The following HMCN1 variants were observed in gnomAD, a reference collection of about 807,000 sequenced individuals.
HMCN1 encodes hemicentin 1, also known as hemicentin-1.
A neutral mutation model predicts 625.9 loss-of-function variants in HMCN1; 321 were observed. The ratio of observed to expected loss-of-function variants is 0.51; its 90% confidence interval spans 0.47 to 0.56. The LOEUF (loss-of-function observed/expected upper bound fraction) is 0.56, where lower values mean the gene tolerates loss of function less well. Among genes scored for constraint, HMCN1 ranks in the 20% least tolerant of loss-of-function variants. The pLI, the probability that HMCN1 is intolerant of heterozygous loss-of-function variation, is 0.00. For synonymous variants in HMCN1, 2,425 were observed against 2,417.6 expected (o/e 1.00, Z -0.09); for missense variants, 6,588 against 6,887.3 (o/e 0.96, Z 1.54).
intron 1 of HMCN1, among the ~76,000 whole-genome samples, chr1:185,760,079 A>G (rs796954839): frequency 2.6e-5 from 4 of 152,168 alleles, no homozygotes; most frequent in East Asian, 3.8e-4. Flanking sequence ...GATATTGCCA[A>G]TTTCTTCACT....
intron 5 of HMCN1, among the ~76,000 whole-genome samples, chr1:185,910,165 G>A (rs1666333638): frequency 6.6e-6 from 1 of 151,948 alleles, no homozygotes; most frequent in African/African-American, 2.4e-5. Flanking sequence ...TTGCAAAATA[G>A]TTATATTTCC....
intron 34 of HMCN1, among the ~76,000 whole-genome samples, chr1:186,018,713 G>A (rs753738562): frequency 2.9e-4 from 44 of 152,018 alleles, no homozygotes; most frequent in South Asian, 8.3e-4. Flanking sequence ...AAGTAAAGGG[G>A]TTATGTAAGC....
At chr1:185,935,790 T>C (rs558844153) in intron 11 of HMCN1, among the ~76,000 whole-genome samples, 1 of 152,248 alleles carries the variant, frequency 6.6e-6, no homozygotes, top group South Asian at 2.1e-4. Flanking sequence ...TAACAGACTT[T>C]TGCTAATTGT....
chr1:186,069,551 G>T (rs1033504211), intron 50 of HMCN1, 112 bp from the exon 51 acceptor site: 2 of 729,968 alleles, frequency 2.7e-6, no homozygotes, highest in Non-Finnish European at 5.0e-6. Flanking sequence ...TCACAGAATT[G>T]TCATATGTAA....
At chr1:186,096,042 G>A (rs1571346551) in intron 68 of HMCN1, among the ~76,000 whole-genome samples, 1 of 152,204 alleles carries the variant, frequency 6.6e-6, no homozygotes, top group East Asian at 1.9e-4. Context: ...TTTCCTTGAA[G>A]TAAAAAATGC....
chr1:186,105,161 C>T (rs188431455), intron 69 of HMCN1, among the ~76,000 whole-genome samples: 2 of 152,156 alleles, frequency 1.3e-5, no homozygotes, highest in East Asian at 3.9e-4. Context: ...ATGTGTCAGC[C>T]TTCAAGAAGT....
At position 186,019,559 on chromosome 1, in the gene HMCN1, C is replaced by T; in HGVS notation, c.5489C>T (p.Ser1830Phe). ...VTVHVPPTIK[S>F]SGLSERVVVK... is the part of the protein sequence containing the mutation. ...AATATAGTTCCTCCAACAATCAAGTCCTCAGGCCTTTCTGAGAGAGTTGTG... is the reference window on the plus strand; with the variant it reads ...AATATAGTTCCTCCAACAATCAAGTTCTCAGGCCTTTCTGAGAGAGTTGTG... Residue 1830 changes from serine (S) to phenylalanine (F), a missense_variant, in exon 35 of 107, where the codon TCC (serine) becomes TTC (phenylalanine). Around this residue, in one of 3 missense-constraint regions of HMCN1, gnomAD observed 4,628 missense variants for 4,853.1 expected, o/e 0.95. Coordinates refer to ENST00000271588, the MANE Select transcript of HMCN1 (RefSeq NM_031935.3). 6.2e-7 allele frequency: 1 copy of T among 1,610,238 alleles called. No homozygotes were observed.
chr1:185,997,268 G>A lies in HMCN1; in HGVS notation c.3779-161G>A, dbSNP rs137968642. Among the ~76,000 whole-genome samples, 301 of 152,220 alleles carry A rather than the reference G, an allele frequency of 2.0e-3. 1 individual carries two copies. The highest frequency in any genetic ancestry group is 3.4e-3 in the Non-Finnish European group (229 of 67,990). The stretch of plus-strand genomic sequence containing the variant: ...GAATTTTGAGTTTAAGGCACTGGGT[G>A]ACGTCTAGGTAGAAATGTTTGGCAA... On this transcript the variant is annotated intron_variant, in intron 24 of 106. Coordinates refer to ENST00000271588, the MANE Select transcript of HMCN1 (RefSeq NM_031935.3).
chr1:186,059,387 C>G lies in HMCN1; in HGVS notation c.7312+1986C>G, dbSNP rs1331071529. Among the ~76,000 whole-genome samples the G allele has an allele frequency of 2.0e-5, 3 of 152,022 alleles. No homozygotes were observed. In the East Asian group the frequency reaches 5.8e-4, roughly 29 times the overall value. ...CTCTTATTAAATATAGTAAGTGCAGCAGAGCTCCTGGAAGTGAAAAAGGCA... is the reference window on the plus strand; with the variant it reads ...CTCTTATTAAATATAGTAAGTGCAGGAGAGCTCCTGGAAGTGAAAAAGGCA... On this transcript the variant is annotated intron_variant, in intron 46 of 106. Transcript: ENST00000271588.
intron 52 of HMCN1, 32 bp from the exon 53 acceptor site, chr1:186,074,709 T>C (rs1658696230): frequency 1.9e-6 from 3 of 1,606,772 alleles, no homozygotes; most frequent in Non-Finnish European, 2.6e-6. Context: ...ATTATAGCAC[T>C]TAATGCTAAC....
At chr1:185,880,664 T>C (rs1664247077) in intron 4 of HMCN1, among the ~76,000 whole-genome samples, 1 of 152,200 alleles carries the variant, frequency 6.6e-6, no homozygotes, top group Non-Finnish European at 1.5e-5. Flanking sequence ...TTTTAATATT[T>C]CTGCTGCCTA....
In HMCN1 at chr1:186,078,220, G is replaced by C. The variant is rs772584982; in HGVS notation, c.8599G>C (p.Val2867Leu). 1.1e-5 allele frequency: 17 copies of C among 1,597,030 alleles called. No individual in the cohort carries two copies. In the Admixed American group the frequency reaches 2.7e-4, roughly 25 times the overall value. The change falls in exon 55 of 107, where the codon GTG (valine) becomes CTG (leucine). Residue 2867 changes from valine to leucine, a missense_variant and splice_region_variant. Transcript: ENST00000271588. ...DSLQYDVRVL[V>L]PPIIKGANSD... is the part of the protein sequence containing the mutation. Reference sequence around the variant, plus strand: ...CCTTCAATATGATGTCCGTGTACTCGGTGAGTTTTTCTTTTGTTTATTGTT... The same window carrying C: ...CCTTCAATATGATGTCCGTGTACTCCGTGAGTTTTTCTTTTGTTTATTGTT...
chr1:186,181,560 C>T (rs1158718264), intron 104 of HMCN1, among the ~76,000 whole-genome samples: 2 of 152,052 alleles, frequency 1.3e-5, no homozygotes, highest in Non-Finnish European at 2.9e-5. Context: ...GTTAAATGGC[C>T]TGCCAAAGGT....
Position 186,036,595 on chromosome 1 carries a change from C to CT in HMCN1, c.5750-1327dup, listed in dbSNP as rs199705709. Among the ~76,000 whole-genome samples the CT allele has an allele frequency of 1.6e-3, 238 of 145,050 alleles. 2 individuals carry two copies. Among genetic ancestry groups the CT allele is most frequent in the East Asian group, 3.8e-3 (19 of 5,040 alleles). On this transcript the variant is annotated intron_variant, in intron 36 of 106. Transcript: ENST00000271588. ...CATATCACCCATACAAGTATTTTTT[C>CT]TTTTTTTTTTTTGAGGTGGAGTTTC... is the stretch of plus-strand genomic sequence containing the variant.
chr1:185,845,733 C>A (rs540307724), intron 1 of HMCN1, among the ~76,000 whole-genome samples: 1 of 152,216 alleles, frequency 6.6e-6, no homozygotes, highest in African/African-American at 2.4e-5. Flanking sequence ...TATTTACTGA[C>A]GAGAATAAGA....
At chr1:186,127,445 G>A (rs1661703634) in intron 82 of HMCN1, among the ~76,000 whole-genome samples, 1 of 152,078 alleles carries the variant, frequency 6.6e-6, no homozygotes, top group African/African-American at 2.4e-5. Context: ...CCATTAAAAT[G>A]TTAATGTTGA....
chr1:185,874,791 G>C (rs907209303), intron 4 of HMCN1, among the ~76,000 whole-genome samples: 2 of 151,734 alleles, frequency 1.3e-5, no homozygotes, highest in East Asian at 3.9e-4. Context: ...TATGATTGTT[G>C]GGTTATTTCA....
intron 1 of HMCN1, among the ~76,000 whole-genome samples, chr1:185,739,303 G>C (rs1053854940): frequency 6.6e-6 from 1 of 152,026 alleles, no homozygotes; most frequent in African/African-American, 2.4e-5. Flanking sequence ...TGTCTTTGCT[G>C]GTGCAACATG....
intron 3 of HMCN1, 30 bp from the exon 4 acceptor site, chr1:185,865,711 C>T: frequency 1.3e-6 from 2 of 1,569,480 alleles, no homozygotes; most frequent in Non-Finnish European, 1.7e-6. Flanking sequence ...AAACCCTTTA[C>T]ACTGTTTCTT....
Sources: allele counts gnomAD v4.1 joint callset (sites outside exome capture counted in the v4.1 genomes callset), GRCh38; gene constraint gnomAD v4.1.1; regional missense constraint gnomAD v4.1.1; transcripts MANE v1.5; gene names NCBI Gene and HGNC (gene_info 2026-07-23, HGNC 2026-07-21).